The following TMEFF2 variants were observed in gnomAD, a reference collection of about 807,000 sequenced individuals.
TMEFF2 encodes tomoregulin-2.
A neutral mutation model predicts 53.8 loss-of-function variants in TMEFF2; 28 were observed. The observed-to-expected ratio is 0.52, with a 90% CI of 0.39 to 0.71. The LOEUF (loss-of-function observed/expected upper bound fraction) is 0.71, where lower values mean the gene tolerates loss of function less well. Among genes scored for constraint, TMEFF2 ranks in the 30% least tolerant of loss-of-function variants. The pLI, the probability that TMEFF2 is intolerant of heterozygous loss-of-function variation, is 0.00. For missense variants in TMEFF2, 353 were observed against 455.2 expected (o/e 0.78, Z 2.04); for synonymous variants, 162 against 166.3 (o/e 0.97, Z 0.20).
At chr2:191,998,003 C>T (rs1244536420) in intron 7 of TMEFF2, among the ~76,000 whole-genome samples, 1 of 151,948 alleles carries the variant, frequency 6.6e-6, no homozygotes, top group South Asian at 2.1e-4. Context: ...GTTATTTGTA[C>T]TATTTGCACT....
intron 4 of TMEFF2, among the ~76,000 whole-genome samples, chr2:192,097,243 G>A (rs1028376463): frequency 1.3e-5 from 2 of 152,186 alleles, no homozygotes; most frequent in African/African-American, 4.8e-5. Context: ...TGCACAGCAC[G>A]TTTTGCAAAG....
At chr2:192,142,204 T>C (rs1690153663) in intron 4 of TMEFF2, among the ~76,000 whole-genome samples, 1 of 152,142 alleles carries the variant, frequency 6.6e-6, no homozygotes, top group South Asian at 2.1e-4. Context: ...TTAGGTATCA[T>C]ATGTTTGTTA....
At chr2:191,969,725 C>T (rs1692581316) in intron 7 of TMEFF2, among the ~76,000 whole-genome samples, 1 of 151,922 alleles carries the variant, frequency 6.6e-6, no homozygotes, top group African/African-American at 2.4e-5. Flanking sequence ...TTTGACAGTA[C>T]CTGACCAAAT....
At chr2:192,043,928 C>A (rs1687549277) in intron 5 of TMEFF2, 1 of 152,216 alleles carries the variant, frequency 6.6e-6, no homozygotes, top group African/African-American at 2.4e-5. Flanking sequence ...TGGAGAATGA[C>A]AGTGGATTAT....
intron 2 of TMEFF2, among the ~76,000 whole-genome samples, chr2:192,188,134 T>C (rs572276997): frequency 1.3e-5 from 2 of 152,340 alleles, no homozygotes; most frequent in Non-Finnish European, 2.9e-5. Flanking sequence ...TCCAATCCTT[T>C]GGCCATTCCA....
At chr2:192,121,288 T>C (rs1019622764) in intron 4 of TMEFF2, among the ~76,000 whole-genome samples, 6 of 152,224 alleles carry the variant, frequency 3.9e-5, no homozygotes, top group Admixed American at 2.6e-4. Context: ...AAACTCCAGA[T>C]GAGAGGATAT....
chr2:192,055,683 A>T (rs1574332215), intron 5 of TMEFF2, among the ~76,000 whole-genome samples: 2 of 150,730 alleles, frequency 1.3e-5, no homozygotes, highest in African/African-American at 4.9e-5. Flanking sequence ...GCTGAGACAG[A>T]AGAATCTCTT....
intron 4 of TMEFF2, among the ~76,000 whole-genome samples, chr2:192,062,968 G>GTTTT (rs58620145): frequency 6.6e-6 from 1 of 151,108 alleles, no homozygotes. Context: ...GTCCGGGAGT[G>GTTTT]TTTTTTTTTT....
intron 5 of TMEFF2, among the ~76,000 whole-genome samples, chr2:192,038,804 A>G (rs147087234): frequency 2.6e-5 from 4 of 152,282 alleles, no homozygotes; most frequent in Non-Finnish European, 5.9e-5. Context: ...TCTATACTTA[A>G]GATACTTGTT....
At chr2:192,032,527 T>G (rs771426916) in intron 5 of TMEFF2, 1 of 152,188 alleles carries the variant, frequency 6.6e-6, no homozygotes, top group Admixed American at 6.5e-5. Flanking sequence ...GAGACGGAAG[T>G]GTATAACCTT....
intron 4 of TMEFF2, among the ~76,000 whole-genome samples, chr2:192,164,978 C>CTGTGTGTGTGTGTGTGTGTGTGTG (rs71033662): frequency 1.4e-5 from 2 of 145,108 alleles, no homozygotes; most frequent in Admixed American, 1.4e-4. Flanking sequence ...TGAATAAAAA[C>CTGTGTGTGTGTGTGTGTGTGTGTG]TGTGTGTGTG....
chr2:192,170,292 T>C (rs1277674561), intron 4 of TMEFF2, among the ~76,000 whole-genome samples: 1 of 152,092 alleles, frequency 6.6e-6, no homozygotes, highest in Non-Finnish European at 1.5e-5. Context: ...AAAGGTCATA[T>C]TTTTCTGCAA....
chr2:192,173,793 T>C (rs1292480986), intron 4 of TMEFF2, among the ~76,000 whole-genome samples: 1 of 151,826 alleles, frequency 6.6e-6, no homozygotes, highest in African/African-American at 2.4e-5. Flanking sequence ...TATTGGATTC[T>C]TAGAGTTATT....
At chr2:192,151,018 G>T (rs1690374300) in intron 4 of TMEFF2, among the ~76,000 whole-genome samples, 2 of 151,724 alleles carry the variant, frequency 1.3e-5, no homozygotes, top group South Asian at 4.2e-4. Flanking sequence ...GGAGGTGATT[G>T]GATCATGGGG....
intron 4 of TMEFF2, among the ~76,000 whole-genome samples, chr2:192,153,015 C>A (rs1243086776): frequency 6.6e-6 from 1 of 151,566 alleles, no homozygotes; most frequent in African/African-American, 2.4e-5. Flanking sequence ...ATAATTTAAA[C>A]TGATTGGAAA....
chr2:192,147,693 C>G (rs924144393), intron 4 of TMEFF2, among the ~76,000 whole-genome samples: 1 of 152,014 alleles, frequency 6.6e-6, no homozygotes, highest in Non-Finnish European at 1.5e-5. Flanking sequence ...TTTCAACTAA[C>G]CCTTTCATCT....
chr2:192,108,265 T>TA (rs1689196697), intron 4 of TMEFF2, among the ~76,000 whole-genome samples: 1 of 151,872 alleles, frequency 6.6e-6, no homozygotes, highest in African/African-American at 2.4e-5. Flanking sequence ...AAAAAGTAGC[T>TA]AAATCAGAGT....
At chr2:192,037,269 A>AACAG (rs1687319115) in intron 5 of TMEFF2, 1 of 72,538 alleles carries the variant, frequency 1.4e-5, no homozygotes, top group Non-Finnish European at 2.9e-5. Flanking sequence ...AAGACTAGCC[A>AACAG]AAATAAAGAA....
intron 5 of TMEFF2, chr2:192,027,929 T>A (rs536783542): frequency 1.3e-5 from 2 of 152,180 alleles, no homozygotes; most frequent in African/African-American, 4.8e-5. Context: ...TCATGGGAAC[T>A]CGTGAGACTC....
Sources: gnomAD v4.1 joint callset for allele counts (sites outside exome capture counted in the v4.1 genomes callset) on GRCh38, gnomAD v4.1.1 for gene constraint, MANE v1.5 for transcripts, NCBI Gene and HGNC (gene_info 2026-07-23, HGNC 2026-07-21) for gene names.